Variants in RNF212 observed in about 807,000 individuals in gnomAD.
The protein encoded by RNF212 is probable E3 SUMO-protein ligase RNF212.
In RNF212, 33 loss-of-function variants were observed where a neutral mutation model predicts 34.7. The ratio of observed to expected loss-of-function variants is 0.95; its 90% CI spans 0.72 to 1.27. RNF212 has a LOEUF of 1.27. RNF212 is among the 50% of genes most tolerant of loss of function. The pLI, the probability that RNF212 is intolerant of heterozygous loss-of-function variation, is 0.00. For synonymous variants in RNF212, 140 were observed against 136.1 expected, an observed-to-expected ratio of 1.03 and a Z score of -0.20; for missense variants, 377 against 362.2, an observed-to-expected ratio of 1.04 and a Z score of -0.33.
rs1426522095 is a variant in RNF212, at chr4:1,071,530, G to C, written c.*1344C>G. Reference sequence around the variant, plus strand: ...ATAAGGAAATGTCATCCAAAAAAAAGACACACAAAAAAGAAATGTCATCCA... The same window carrying C: ...ATAAGGAAATGTCATCCAAAAAAAACACACACAAAAAAGAAATGTCATCCA... On this transcript the variant is annotated 3_prime_UTR_variant, in exon 10 of 10. Transcript: ENST00000433731. 1 of 151,984 alleles carries C rather than the reference G, an allele frequency of 6.6e-6. No homozygotes were observed. The highest frequency in any genetic ancestry group is 1.5e-5 in the Non-Finnish European group (1 of 67,966). 9.4% of individuals were successfully genotyped at this position (151,984 alleles called of 1,614,324 possible). A position where few individuals can be genotyped will look rare whatever the true frequency, so the allele number is the denominator to read the frequency against.
intron 2 of RNF212, among the ~76,000 whole-genome samples, chr4:1,106,058 C>A (rs1307373043): frequency 6.6e-6 from 1 of 152,174 alleles, no homozygotes. Flanking sequence ...ATCCCTCTGG[C>A]TGCAGGGTGA....
chr4:1,108,528 T>C (rs1725169212), intron 1 of RNF212, 124 bp from the exon 2 acceptor site: 1 of 482,232 alleles, frequency 2.1e-6, no homozygotes. Flanking sequence ...GGTTTTCATG[T>C]TCTGACAGGA....
chr4:1,091,857 G>A (rs1722236641), intron 3 of RNF212, among the ~76,000 whole-genome samples: 1 of 152,200 alleles, frequency 6.6e-6, no homozygotes, highest in Admixed American at 6.5e-5. Flanking sequence ...CTCGACAAGG[G>A]GACTATGTCT....
At chr4:1,108,852 G>A (rs372810711) in intron 1 of RNF212, among the ~76,000 whole-genome samples, 16 of 151,836 alleles carry the variant, frequency 1.1e-4, no homozygotes, top group African/African-American at 2.7e-4. Flanking sequence ...GACGTGTGCC[G>A]CCACAGCCAG....
At chr4:1,076,831 GGT>G (rs1719386313) in intron 8 of RNF212, among the ~76,000 whole-genome samples, 1 of 152,210 alleles carries the variant, frequency 6.6e-6, no homozygotes, top group Admixed American at 6.5e-5. Flanking sequence ...ACACAGTCAT[GGT>G]CATGCCTATT....
intron 2 of RNF212, among the ~76,000 whole-genome samples, chr4:1,106,249 T>TACACACAC (rs35166968): frequency 6.8e-4 from 99 of 146,058 alleles, no homozygotes; most frequent in East Asian, 2.8e-3. Flanking sequence ...CAATTTTACT[T>TACACACAC]ACACACACAC....
downstream of RNF212, among the ~76,000 whole-genome samples, chr4:1,069,476 G>A (rs975323527): frequency 1.1e-4 from 16 of 152,214 alleles, no homozygotes; most frequent in African/African-American, 3.9e-4. Context: ...CATAGTGGCT[G>A]CAGTGAGAAA....
chr4:1,096,843 A>G lies in RNF212; in HGVS notation c.172-4T>C. The G allele has an allele frequency of 6.3e-7, 1 of 1,597,944 alleles. No homozygotes were observed. The highest frequency in any genetic ancestry group is 8.6e-7 in the Non-Finnish European group (1 of 1,165,046). The stretch of plus-strand genomic sequence containing the variant: ...ATGCCTGGATATCTGCGTCGGTCTG[A>G]AAGAGAAAGAAATGACTCTACATTT... On this transcript the variant is annotated splice_region_variant and splice_polypyrimidine_tract_variant and intron_variant, in intron 2 of 9. Coordinates refer to ENST00000433731, the MANE Select transcript of RNF212 (RefSeq NM_001131034.4).
At chr4:1,068,728 T>C (rs932557386), downstream of RNF212, among the ~76,000 whole-genome samples, 1 of 152,230 alleles carries the variant, frequency 6.6e-6, no homozygotes, top group Admixed American at 6.5e-5. Flanking sequence ...TTTACATTTC[T>C]TGTAGGGCAG....
At chr4:1,060,826 T>G (rs1717700666) in intron 3 of RNF212, among the ~76,000 whole-genome samples, 1 of 152,206 alleles carries the variant, frequency 6.6e-6, no homozygotes, top group Admixed American at 6.5e-5. Flanking sequence ...TCAGTGAGTC[T>G]GCAGGGCAGA....
intron 3 of RNF212, among the ~76,000 whole-genome samples, chr4:1,092,782 T>C (rs1243556488): frequency 2.6e-5 from 4 of 152,332 alleles, no homozygotes; most frequent in African/African-American, 9.6e-5. Flanking sequence ...TTTGCCCGCA[T>C]CCTGCGAACT....
intron 3 of RNF212, chr4:1,093,348 A>C: frequency 8.8e-7 from 1 of 1,133,304 alleles, no homozygotes; most frequent in South Asian, 2.3e-5. Flanking sequence ...AAAAATAACA[A>C]TAAATCCATG....
chr4:1,073,702 A>T (rs1560101069), intron 8 of RNF212, 40 bp from the exon 9 acceptor site: 14 of 1,430,702 alleles, frequency 9.8e-6, no homozygotes, highest in African/African-American at 1.4e-5. Flanking sequence ...AAATTCCAAT[A>T]TTGCGGCTTA....
intron 8 of RNF212, among the ~76,000 whole-genome samples, chr4:1,078,846 A>G (rs111702053): frequency 6.6e-6 from 1 of 151,452 alleles, no homozygotes. Context: ...GGACCAACAC[A>G]GGACCAACAT....
At chr4:1,112,174 T>A (rs576509556) in intron 1 of RNF212, among the ~76,000 whole-genome samples, 1 of 152,150 alleles carries the variant, frequency 6.6e-6, no homozygotes, top group African/African-American at 2.4e-5. Flanking sequence ...GCCACCGAAC[T>A]CCAGCCTGGG....
At chr4:1,079,733 C>G (rs774362214) in intron 7 of RNF212, 45 bp from the exon 8 acceptor site, 1 of 1,319,356 alleles carries the variant, frequency 7.6e-7, no homozygotes, top group Non-Finnish European at 1.1e-6. Flanking sequence ...CCAGGACTTA[C>G]CTCTAACAAC....
chr4:1,106,947 C>A (rs370652671), intron 2 of RNF212, among the ~76,000 whole-genome samples: 1 of 151,990 alleles, frequency 6.6e-6, no homozygotes, highest in African/African-American at 2.4e-5. Flanking sequence ...TTTGAAACAG[C>A]GAAAAACCGA....
intron 3 of RNF212, among the ~76,000 whole-genome samples, chr4:1,065,297 A>G (rs1201227605): frequency 2.6e-5 from 4 of 152,204 alleles, no homozygotes; most frequent in Non-Finnish European, 5.9e-5. Context: ...AACACTTGTT[A>G]TTTTGGGTTT....
chr4:1,075,355 G>C (rs936618141), intron 8 of RNF212, among the ~76,000 whole-genome samples: 9 of 152,240 alleles, frequency 5.9e-5, no homozygotes, highest in African/African-American at 2.2e-4. Flanking sequence ...ATGCTTCTGA[G>C]GGCCGTACAG....
Sources: gnomAD v4.1 joint callset for allele counts (sites outside exome capture counted in the v4.1 genomes callset) on GRCh38, gnomAD v4.1.1 for gene constraint, MANE v1.5 for transcripts, NCBI Gene and HGNC (gene_info 2026-07-23, HGNC 2026-07-21) for gene names.